The following MPPED2 variants were observed in gnomAD, a reference collection of about 807,000 sequenced individuals.
MPPED2 encodes the protein metallophosphoesterase domain containing 2.
A neutral mutation model predicts 33.0 loss-of-function variants in MPPED2; 5 were observed. That is an observed-to-expected ratio of 0.15 (90% CI 0.08 to 0.32). The LOEUF (loss-of-function observed/expected upper bound fraction) is 0.32. Among genes scored for constraint, MPPED2 ranks in the 10% least tolerant of loss-of-function variants. The pLI is 1.00. For synonymous variants in MPPED2, 136 were observed against 141.9 expected, an observed-to-expected ratio of 0.96 and a Z score of 0.29; for missense variants, 275 against 372.1, an observed-to-expected ratio of 0.74 and a Z score of 2.15.
chr11:30,401,482 A>G (rs1249685043), intron 6 of MPPED2, among the ~76,000 whole-genome samples: 1 of 152,242 alleles, frequency 6.6e-6, no homozygotes, highest in Non-Finnish European at 1.5e-5. Flanking sequence ...CTAAAAGCAC[A>G]TGAAAAGATA....
chr11:30,461,301 T>C (rs1395759629), intron 4 of MPPED2, among the ~76,000 whole-genome samples: 1 of 152,194 alleles, frequency 6.6e-6, no homozygotes, highest in Admixed American at 6.5e-5. Context: ...GTGGTGATGG[T>C]TGCACAACAA....
intron 2 of MPPED2, among the ~76,000 whole-genome samples, chr11:30,550,239 C>T (rs532906739): frequency 6.6e-6 from 1 of 152,156 alleles, no homozygotes; most frequent in East Asian, 1.9e-4. Context: ...TTTATAATCT[C>T]CAACAACAAA....
At chr11:30,557,543 A>G (rs143403886) in intron 2 of MPPED2, among the ~76,000 whole-genome samples, 1 of 152,328 alleles carries the variant, frequency 6.6e-6, no homozygotes, top group East Asian at 1.9e-4. Flanking sequence ...TATGAGATTT[A>G]GCACATGTCC....
At chr11:30,446,816 G>A (rs1191653037) in intron 4 of MPPED2, among the ~76,000 whole-genome samples, 1 of 152,106 alleles carries the variant, frequency 6.6e-6, no homozygotes, top group Non-Finnish European at 1.5e-5. Flanking sequence ...CCCCCCCGAC[G>A]CCAAGTCCCA....
chr11:30,404,879 T>C (rs771509996), intron 6 of MPPED2, among the ~76,000 whole-genome samples: 1 of 152,196 alleles, frequency 6.6e-6, no homozygotes, highest in East Asian at 1.9e-4. Context: ...CTAGCTGTTA[T>C]TTGCCAAATA....
At chr11:30,424,002 C>T (rs1948727216) in intron 4 of MPPED2, among the ~76,000 whole-genome samples, 1 of 152,160 alleles carries the variant, frequency 6.6e-6, no homozygotes, top group African/African-American at 2.4e-5. Flanking sequence ...CCTCAGTTCA[C>T]TTTTGAGTGG....
chr11:30,388,989 G>T, intron 6 of MPPED2: 1 of 1,534,936 alleles, frequency 6.5e-7, no homozygotes, highest in South Asian at 1.2e-5. Context: ...GAGAGGGAGA[G>T]AGAGAGAGAG....
chr11:30,558,494 C>T (rs746572696), intron 2 of MPPED2, among the ~76,000 whole-genome samples: 1 of 151,778 alleles, frequency 6.6e-6, no homozygotes, highest in Non-Finnish European at 1.5e-5. Flanking sequence ...CAGCTCACTG[C>T]AGCTCTGGCC....
At chr11:30,509,466 G>A (rs138425388) in intron 3 of MPPED2, among the ~76,000 whole-genome samples, 1 of 152,254 alleles carries the variant, frequency 6.6e-6, no homozygotes, top group East Asian at 1.9e-4. Context: ...GAAGGTGCCT[G>A]TATTTCTTCA....
intron 6 of MPPED2, among the ~76,000 whole-genome samples, chr11:30,413,233 G>GT (rs973886323): frequency 9.9e-5 from 15 of 152,204 alleles, no homozygotes. Flanking sequence ...AGCAAACTTT[G>GT]TTTTTTGCTT....
chr11:30,454,184 A>G (rs1326643592), intron 4 of MPPED2, among the ~76,000 whole-genome samples: 1 of 152,192 alleles, frequency 6.6e-6, no homozygotes, highest in Non-Finnish European at 1.5e-5. Flanking sequence ...TTCTATAGGA[A>G]CCTTATTTAC....
intron 3 of MPPED2, among the ~76,000 whole-genome samples, chr11:30,526,335 GA>G (rs888866556): frequency 2.0e-5 from 3 of 148,964 alleles, no homozygotes; most frequent in African/African-American, 4.9e-5. Context: ...AAAGGGGAAA[GA>G]AAAAAAAATA....
chr11:30,493,574 G>C (rs1952092710), intron 4 of MPPED2, among the ~76,000 whole-genome samples: 2 of 120,336 alleles, frequency 1.7e-5, no homozygotes, highest in African/African-American at 3.3e-5. Context: ...ACACAGGTTA[G>C]TTTTGCTCTA....
Position 30,499,817 on chromosome 11 carries a change from T to A in MPPED2, c.311-4296A>T, listed in dbSNP as rs549972858. 1.9e-4 allele frequency among the ~76,000 whole-genome samples: 29 copies of A among 152,354 alleles called. No homozygotes were observed. In the South Asian group the frequency reaches 5.8e-3, roughly 30 times the overall value. ...ACCAATTCAGCCCTCAGATGTGTCA[T>A]GCTTAGCCCTCAACTGAGGTTATTA... On this transcript the variant is annotated intron_variant, in intron 3 of 6. Transcript: ENST00000358117.
At chr11:30,577,151 T>G (rs947810767) in intron 2 of MPPED2, among the ~76,000 whole-genome samples, 1 of 152,214 alleles carries the variant, frequency 6.6e-6, no homozygotes, top group Non-Finnish European at 1.5e-5. Flanking sequence ...AAAAGATCCT[T>G]AACCATCATT....
In MPPED2 at chr11:30,410,348, C is replaced by A. The variant is rs1948058444; in HGVS notation, c.*1120G>T. The A allele has an allele frequency of 6.1e-6, 6 of 985,718 alleles. No individual in the cohort carries two copies. Among genetic ancestry groups the A allele is most frequent in the Non-Finnish European group, 7.2e-6 (6 of 829,878 alleles). The allele number at this position is 985,718 out of a possible 1,614,324, so 61.1% of individuals were successfully genotyped here. A position where few individuals can be genotyped will look rare whatever the true frequency, so the allele number is the denominator to read the frequency against. On this transcript the variant is annotated 3_prime_UTR_variant, in exon 7 of 7. Transcript: ENST00000358117. ...AAGTAACATAAAATAGAATAAAGCT[C>A]AACAGCATTTACAATGGGAAAACAG...
chr11:30,511,160 G>A (rs1953160517), intron 3 of MPPED2, among the ~76,000 whole-genome samples: 1 of 152,130 alleles, frequency 6.6e-6, no homozygotes, highest in South Asian at 2.1e-4. Context: ...CAAAAGTCAG[G>A]ATGAGATTTG....
intron 3 of MPPED2, among the ~76,000 whole-genome samples, chr11:30,500,209 C>T (rs1952492661): frequency 6.6e-6 from 1 of 152,130 alleles, no homozygotes; most frequent in African/African-American, 2.4e-5. Context: ...GAATTCTGAC[C>T]TCTGTTGATC....
chr11:30,531,545 T>C (rs1189530499), intron 3 of MPPED2, among the ~76,000 whole-genome samples: 2 of 152,178 alleles, frequency 1.3e-5, no homozygotes, highest in East Asian at 3.8e-4. Flanking sequence ...AAGTGGGAAA[T>C]GCTTGCCCAA....
Sources: gnomAD v4.1 joint callset for allele counts (sites outside exome capture counted in the v4.1 genomes callset) on GRCh38, gnomAD v4.1.1 for gene constraint, MANE v1.5 for transcripts, NCBI Gene and HGNC (gene_info 2026-07-23, HGNC 2026-07-21) for gene names.